Variants in HEATR5B observed in about 807,000 individuals in gnomAD.
HEATR5B encodes the protein HEAT repeat-containing protein 5B.
HEATR5B carries 156 observed loss-of-function variants against 224.1 expected under a neutral mutation model. The observed-to-expected ratio is 0.70, with a 90% CI of 0.61 to 0.80. HEATR5B has a LOEUF of 0.80. HEATR5B is among the 30% of genes least tolerant of loss of function. The pLI is 0.00. For missense variants in HEATR5B, 2,323 were observed against 2,535.5 expected (o/e 0.92, Z 1.80); for synonymous variants, 1,027 against 893.0 (o/e 1.15, Z -2.68).
chr2:37,083,018 G>A (rs1672708279), intron 2 of HEATR5B, among the ~76,000 whole-genome samples: 1 of 152,192 alleles, frequency 6.6e-6, no homozygotes, highest in Non-Finnish European at 1.5e-5. Context: ...TGCAACGGGT[G>A]ACGATGATAA....
At position 36,993,528 on chromosome 2, in the gene HEATR5B, G is replaced by A. The variant is rs2148344674; in HGVS notation, c.5546-2729C>T. Among the ~76,000 whole-genome samples, 2 of 150,368 alleles carry A rather than the reference G, an allele frequency of 1.3e-5. 1 individual carries two copies. The highest frequency in any genetic ancestry group is 4.2e-4 in the South Asian group (2 of 4,748). ...ATTGCACTCCAGCCTGGGCAACAGA[G>A]TGAGACTCTGTTTAAAAAAAAAAAA... On this transcript the variant is annotated intron_variant, in intron 33 of 35. Transcript: ENST00000233099.
chr2:37,065,614 C>T (rs1290210487), intron 9 of HEATR5B, 141 bp downstream of exon 9: 4 of 767,068 alleles, frequency 5.2e-6, no homozygotes, highest in Admixed American at 2.9e-5. Flanking sequence ...CAGCCTATCA[C>T]AATGAATATT....
chr2:37,044,819 C>G (rs1322980692), intron 18 of HEATR5B, among the ~76,000 whole-genome samples: 1 of 152,182 alleles, frequency 6.6e-6, no homozygotes, highest in Non-Finnish European at 1.5e-5. Context: ...CACTGAGACT[C>G]TGTTCATTTT....
At chr2:36,998,070 T>C (rs1331529749) in intron 33 of HEATR5B, among the ~76,000 whole-genome samples, 8 of 152,148 alleles carry the variant, frequency 5.3e-5, no homozygotes, top group African/African-American at 9.6e-5. Context: ...TGGATGAATG[T>C]CTGTTTCAAA....
intron 5 of HEATR5B, among the ~76,000 whole-genome samples, chr2:37,073,243 T>C (rs560487568): frequency 3.7e-4 from 56 of 152,338 alleles, no homozygotes; most frequent in African/African-American, 1.2e-3. Flanking sequence ...ATAAGGATGA[T>C]ATATCATGAC....
intron 2 of HEATR5B, among the ~76,000 whole-genome samples, chr2:37,080,711 T>C (rs1251279954): frequency 6.6e-6 from 1 of 151,966 alleles, no homozygotes; most frequent in African/African-American, 2.4e-5. Flanking sequence ...CTGGGAATCA[T>C]TATTTTATAG....
intron 33 of HEATR5B, among the ~76,000 whole-genome samples, chr2:36,996,124 G>A (rs987988851): frequency 2.6e-5 from 4 of 151,308 alleles, no homozygotes; most frequent in South Asian, 4.2e-4. Context: ...GCAGTGGCGC[G>A]ATCTCAGCTC....
intron 18 of HEATR5B, among the ~76,000 whole-genome samples, chr2:37,046,792 G>A (rs1468438050): frequency 6.6e-6 from 1 of 151,934 alleles, no homozygotes; most frequent in Non-Finnish European, 1.5e-5. Context: ...GCTCACGGTT[G>A]TAATCCCAGC....
At chr2:37,005,876 T>C in intron 29 of HEATR5B, 117 bp from the exon 30 acceptor site, 1 of 718,522 alleles carries the variant, frequency 1.4e-6, no homozygotes, top group Non-Finnish European at 2.1e-6. Context: ...TATTTATTAA[T>C]ACCTTAAAGT....
Position 36,981,247 on chromosome 2 carries a change from A to T in HEATR5B, c.*243T>A. The stretch of plus-strand genomic sequence containing the variant: ...CTATGGCTCAGTGTTTGAAAAATAA[A>T]TAAGTTAACAAAAGAGAAACATTAT... On this transcript the variant is annotated 3_prime_UTR_variant, in exon 36 of 36. Coordinates refer to ENST00000233099, the MANE Select transcript of HEATR5B (RefSeq NM_019024.3). 2.7e-6 allele frequency: 1 copy of T among 376,352 alleles called. No homozygotes were observed. The highest frequency in any genetic ancestry group is 4.7e-6 in the Non-Finnish European group (1 of 212,566). 23.3% of individuals were successfully genotyped at this position (376,352 alleles called of 1,614,324 possible).
At chr2:37,055,011 C>T in intron 16 of HEATR5B, 1 of 292,748 alleles carries the variant, frequency 3.4e-6, no homozygotes. Context: ...TATGAAGATA[C>T]AGATTCAGAT....
chr2:37,002,510 G>C lies in HEATR5B; in HGVS notation c.5113C>G (p.Leu1705Val). 6.2e-7 allele frequency: 1 copy of C among 1,614,184 alleles called. No individual in the cohort carries two copies. The highest frequency in any genetic ancestry group is 8.5e-7 in the Non-Finnish European group (1 of 1,180,010). ...VLGEGGDSGG[L>V]IPGKSLVFAT... ...AACACAAGAGATTTTCCAGGAATGA[G>C]ACCACCGCTGTCACCTCCTTCTCCC... is the stretch of plus-strand genomic sequence containing the variant. The change falls in exon 32 of 36, where the codon CTC becomes GTC. Residue 1705 changes from leucine (L) to valine (V), a missense_variant. Transcript: ENST00000233099.
chr2:37,028,251 A>C, intron 23 of HEATR5B, 77 bp from the exon 24 acceptor site: 1 of 873,788 alleles, frequency 1.1e-6, no homozygotes, highest in Non-Finnish European at 1.6e-6. Flanking sequence ...TAATATTAAA[A>C]TTTTTTTAAT....
intron 22 of HEATR5B, among the ~76,000 whole-genome samples, chr2:37,029,652 G>A (rs1668995971): frequency 1.3e-5 from 2 of 150,612 alleles, no homozygotes; most frequent in South Asian, 4.2e-4. Flanking sequence ...CCACAAGAGT[G>A]AAACTCCACT....
At chr2:37,014,161 ATATTAT>A (rs747709322) in intron 26 of HEATR5B, 141 bp from the exon 27 acceptor site, 9 of 432,082 alleles carry the variant, frequency 2.1e-5, no homozygotes, top group Admixed American at 1.3e-4. Flanking sequence ...CTATGCTTTG[ATATTAT>A]TATTATTATT....
intron 24 of HEATR5B, among the ~76,000 whole-genome samples, chr2:37,021,168 T>A (rs1490263577): frequency 6.6e-6 from 1 of 152,212 alleles, no homozygotes; most frequent in African/African-American, 2.4e-5. Flanking sequence ...AGATAGTTAA[T>A]ATTTTTGGCT....
chr2:37,045,299 G>A (rs1467762321), intron 18 of HEATR5B, among the ~76,000 whole-genome samples: 1 of 151,772 alleles, frequency 6.6e-6, no homozygotes, highest in Non-Finnish European at 1.5e-5. Context: ...AGGATATTGT[G>A]AATTTTATGA....
intron 21 of HEATR5B, 92 bp from the exon 22 acceptor site, chr2:37,032,865 C>T (rs780893607): frequency 3.1e-6 from 3 of 956,540 alleles, no homozygotes; most frequent in Non-Finnish European, 4.5e-6. Flanking sequence ...TACATACATA[C>T]ATATATATGT....
intron 33 of HEATR5B, among the ~76,000 whole-genome samples, chr2:36,997,165 T>A (rs1462840978): frequency 1.3e-5 from 2 of 152,138 alleles, no homozygotes; most frequent in African/African-American, 2.4e-5. Flanking sequence ...GGTGTTTTGA[T>A]GGGTAGAAGT....
Sources: allele counts gnomAD v4.1 joint callset (sites outside exome capture counted in the v4.1 genomes callset), GRCh38; gene constraint gnomAD v4.1.1; transcripts MANE v1.5; gene names NCBI Gene and HGNC (gene_info 2026-07-23, HGNC 2026-07-21).